Variants in ZNF534 observed in about 807,000 individuals in gnomAD.
The protein encoded by ZNF534 is zinc finger protein 534.
Under a neutral mutation model 13.6 loss-of-function variants are expected in ZNF534, and 19 were observed. The ratio of observed to expected loss-of-function variants is 1.40; its 90% CI spans 0.97 to 2.05. ZNF534 has a LOEUF of 2.05. Among genes scored for constraint, ZNF534 ranks in the 30% most tolerant of loss-of-function variants. The probability of loss-of-function intolerance (pLI) is 0.00; values close to 1 mark genes in which losing one functional copy is unlikely to be tolerated. For missense variants in ZNF534, 782 were observed against 796.3 expected (o/e 0.98, Z 0.22); for synonymous variants, 244 against 273.8 (o/e 0.89, Z 1.07).
intron 2 of ZNF534, among the ~76,000 whole-genome samples, chr19:52,433,374 G>C (rs527904497): frequency 5.9e-5 from 4 of 67,338 alleles, no homozygotes; most frequent in East Asian, 3.1e-4. Context: ...TTCTCTTTTT[G>C]GGGGGGGGAG....
exon 5 of ZNF534, chr19:52,451,766 G>A (rs540204635): frequency 1.5e-6 from 1 of 683,898 alleles, no homozygotes; most frequent in South Asian, 1.7e-5. Flanking sequence ...GATTATAGAG[G>A]AAATGTTGGT....
chr19:52,436,280 C>A (rs1249490354), intron 4 of ZNF534, among the ~76,000 whole-genome samples: 1 of 152,144 alleles, frequency 6.6e-6, no homozygotes, highest in African/African-American at 2.4e-5. Flanking sequence ...TCACTGCCTT[C>A]TACCCTGAAG....
rs561069372 is a variant in ZNF534, at chr19:52,439,460, C to G, written c.*14C>G. 110 of 1,499,738 alleles carry G rather than the reference C, an allele frequency of 7.3e-5. No individual in the cohort carries two copies. Among genetic ancestry groups the G allele is most frequent in the Middle Eastern group, 5.2e-4 (3 of 5,736 alleles). 92.9% of individuals were successfully genotyped at this position (1,499,738 alleles called of 1,614,324 possible). A position where few individuals can be genotyped will look rare whatever the true frequency, so the allele number is the denominator to read the frequency against. ...GAGAAGCCTTAAAAATTTAGTGAAG[C>G]TGGCAGGGCGCAGTGGCTCACGTCT... On this transcript the variant is annotated 3_prime_UTR_variant, in exon 5 of 5. Transcript: ENST00000433050.
chr19:52,451,201 G>T (rs1220875231), exon 5 of ZNF534: 2 of 698,928 alleles, frequency 2.9e-6, no homozygotes, highest in Non-Finnish European at 2.6e-6. Context: ...TTCACTTCTG[G>T]CCTGGGACGC....
At chr19:52,433,542 AT>A (rs200223870) in intron 2 of ZNF534, among the ~76,000 whole-genome samples, 2,289 of 152,034 alleles carry the variant, frequency 0.015, 25 homozygotes, top group Non-Finnish European at 0.023. Context: ...AATTTTTTGT[AT>A]TTTTAGTAGA....
At chr19:52,450,182 A>T (rs2059208201) in intron 4 of ZNF534, among the ~76,000 whole-genome samples, 1 of 152,120 alleles carries the variant, frequency 6.6e-6, no homozygotes, top group African/African-American at 2.4e-5. Flanking sequence ...AGTTTAATAT[A>T]ATCCAATTTG....
At chr19:52,431,338 T>C (rs2122652346) in intron 1 of ZNF534, 70 bp from the exon 2 acceptor site, 1 of 1,164,350 alleles carries the variant, frequency 8.6e-7, no homozygotes, top group East Asian at 2.5e-5. Context: ...TCTTCCCTTT[T>C]TGTGTGGCTG....
In ZNF534 at chr19:52,438,523, A is replaced by G; in HGVS notation, c.1063A>G (p.Lys355Glu). 6.3e-7 allele frequency: 1 copy of G among 1,584,928 alleles called. No individual in the cohort carries two copies. Among genetic ancestry groups the G allele is most frequent in the South Asian group, 1.1e-5 (1 of 88,112 alleles). The change falls in exon 5 of 5, where the codon AAA (lysine) becomes GAA (glutamate). Residue 355 changes from lysine to glutamate, a missense_variant. Around this residue, in one of 5 missense-constraint regions of ZNF534, gnomAD observed 591 missense variants for 574.0 expected, o/e 1.03. Coordinates refer to ENST00000433050, the MANE Select transcript of ZNF534 (RefSeq NM_001143938.3). ...QTVHTGERPY[K>E]CNECGKGFSR... is the part of the protein sequence containing the mutation. Reference sequence around the variant, plus strand: ...AGTTCATACTGGAGAGAGACCATACAAATGTAATGAATGTGGCAAGGGGTT... The same window carrying G: ...AGTTCATACTGGAGAGAGACCATACGAATGTAATGAATGTGGCAAGGGGTT...
intron 2 of ZNF534, 135 bp downstream of exon 2, chr19:52,431,624 C>T: frequency 8.6e-7 from 1 of 1,156,976 alleles, no homozygotes; most frequent in South Asian, 1.4e-5. Flanking sequence ...TTCTTCCAGT[C>T]CCTTTCACTT....
rs115702949 is a variant in ZNF534, at chr19:52,439,309, C to T, written c.1849C>T (p.Arg617Trp). 2,091 of 1,557,330 alleles carry T rather than the reference C, an allele frequency of 1.3e-3. 22 individuals carry two copies. In the African/African-American group the frequency reaches 0.025, roughly 19 times the overall value. Reference protein sequence around the residue: ...KCNECSKVFSRNSRLAQHRNI... With the variant: ...KCNECSKVFSWNSRLAQHRNI... ...TAATGAATGTAGCAAGGTCTTCAGT[C>T]GGAATTCACGCCTTGCACAACATAG... Residue 617 changes from arginine (R) to tryptophan (W), a missense_variant, in exon 5 of 5, where the codon CGG (arginine) becomes TGG (tryptophan). Physicochemically the swap from Arg to Trp is moderately radical, Grantham distance 101. This residue lies in a region of ZNF534 where 60 missense variants were observed against 59.9 expected (regional missense o/e 1.00). Transcript: ENST00000433050.
chr19:52,434,598 G>A (rs556636726), intron 3 of ZNF534, among the ~76,000 whole-genome samples: 2 of 149,948 alleles, frequency 1.3e-5, no homozygotes, highest in South Asian at 4.3e-4. Flanking sequence ...AGGCATGGTG[G>A]TACATGCCTG....
chr19:52,442,604 C>A (rs1184953543), downstream of ZNF534, among the ~76,000 whole-genome samples: 1 of 152,180 alleles, frequency 6.6e-6, no homozygotes, highest in African/African-American at 2.4e-5. Flanking sequence ...GGGTTAGGGT[C>A]CCCATGACTG....
chr19:52,439,080 T>C lies in ZNF534; in HGVS notation c.1620T>C (p.His540=), dbSNP rs1361462730. ...VFRRNSHLVR[H]RNVHTGEKPY... ...GTCGGAATTCACACCTTGTGCGACA[T>C]AGGAATGTTCATACTGGAGAAAAGC... The change falls in exon 5 of 5, where the codon CAT becomes CAC. Residue 540 remains histidine, a synonymous_variant. Coordinates refer to ENST00000433050, the MANE Select transcript of ZNF534 (RefSeq NM_001143938.3). 14 of 1,593,408 alleles carry C rather than the reference T, an allele frequency of 8.8e-6. No homozygotes were observed. The highest frequency in any genetic ancestry group is 3.5e-5 in the Admixed American group (2 of 56,406).
At chr19:52,446,266 T>C (rs1241583969), downstream of ZNF534, among the ~76,000 whole-genome samples, 1 of 152,208 alleles carries the variant, frequency 6.6e-6, no homozygotes, top group Non-Finnish European at 1.5e-5. Context: ...ATGCTCAATC[T>C]CAAGGCCATT....
chr19:52,435,301 A>C (rs967475600), intron 4 of ZNF534, 92 bp downstream of exon 4: 4 of 1,380,428 alleles, frequency 2.9e-6, no homozygotes, highest in Non-Finnish European at 3.9e-6. Context: ...TACAGTGGCA[A>C]TCATAGCTCA....
At chr19:52,452,032 T>A (rs1339599660) in exon 5 of ZNF534, 3 of 216,568 alleles carry the variant, frequency 1.4e-5, no homozygotes, top group Non-Finnish European at 2.9e-5. Flanking sequence ...GTTTTACACT[T>A]CTGTAAACTT....
At chr19:52,430,308 G>A (rs2059078869) in intron 1 of ZNF534, among the ~76,000 whole-genome samples, 1 of 151,578 alleles carries the variant, frequency 6.6e-6, no homozygotes, top group Non-Finnish European at 1.5e-5. Context: ...GAGCCACTGC[G>A]CCCGGCCTTG....
chr19:52,437,676 A>C (rs748374313), intron 4 of ZNF534, 56 bp from the exon 5 acceptor site: 29 of 1,460,872 alleles, frequency 2.0e-5, no homozygotes, highest in Non-Finnish European at 2.6e-5. Flanking sequence ...GTTTTCTGTC[A>C]GACTTTAAAC....
chr19:52,435,240 C>T (rs1410274811), intron 4 of ZNF534, 31 bp downstream of exon 4: 2 of 1,571,580 alleles, frequency 1.3e-6, no homozygotes, highest in East Asian at 4.5e-5. Flanking sequence ...AGTGGAGGCC[C>T]CATAATTTTT....
Sources: gnomAD v4.1 joint callset for allele counts (sites outside exome capture counted in the v4.1 genomes callset) on GRCh38, gnomAD v4.1.1 for gene constraint, gnomAD v4.1.1 regional missense constraint, MANE v1.5 for transcripts, NCBI Gene and HGNC (gene_info 2026-07-23, HGNC 2026-07-21) for gene names.